SHISA9: variants seen among roughly 807,000 people sequenced by gnomAD.
SHISA9 encodes shisa family member 9, also known as protein shisa-9.
In SHISA9, 13 loss-of-function variants were observed where a neutral mutation model predicts 38.0. The ratio of observed to expected loss-of-function variants is 0.34; its 90% confidence interval spans 0.22 to 0.54. The LOEUF (loss-of-function observed/expected upper bound fraction) is 0.54, where lower values mean the gene tolerates loss of function less well. Among genes scored for constraint, SHISA9 ranks in the 20% least tolerant of loss-of-function variants. The pLI is 0.91. For synonymous variants in SHISA9, 275 were observed against 242.0 expected, an observed-to-expected ratio of 1.14 and a Z score of -1.27; for missense variants, 538 against 575.8, an observed-to-expected ratio of 0.93 and a Z score of 0.67.
At chr16:13,537,063 G>C in the SHISA9 span, among the ~76,000 whole-genome samples, 1 of 152,014 alleles carries the variant, frequency 6.6e-6, no homozygotes, top group Non-Finnish European at 1.5e-5. Context: ...CCCATAATAA[G>C]GTAATGACCT....
At chr16:13,298,399 CGAT>C in the SHISA9 span, among the ~76,000 whole-genome samples, 1 of 152,070 alleles carries the variant, frequency 6.6e-6, no homozygotes, top group Non-Finnish European at 1.5e-5. Flanking sequence ...ATAATAAACA[CGAT>C]GATGACTCAC....
At chr16:13,500,011 C>T in the SHISA9 span, among the ~76,000 whole-genome samples, 19 of 152,252 alleles carry the variant, frequency 1.2e-4, no homozygotes, top group Middle Eastern at 6.8e-3. Context: ...AATATAGCAG[C>T]GTGGTGTGAT....
chr16:12,978,276 G>C (rs2072192315), intron 2 of SHISA9, among the ~76,000 whole-genome samples: 1 of 152,168 alleles, frequency 6.6e-6, no homozygotes. Context: ...TGGAAGAAAT[G>C]AGCATGACTT....
chr16:13,135,199 C>G (rs2050338561), intron 2 of SHISA9, among the ~76,000 whole-genome samples: 1 of 152,158 alleles, frequency 6.6e-6, no homozygotes, highest in South Asian at 2.1e-4. Context: ...ATATCATGAT[C>G]AGATCTGGAT....
At chr16:13,517,136 A>G in the SHISA9 span, among the ~76,000 whole-genome samples, 1 of 152,194 alleles carries the variant, frequency 6.6e-6, no homozygotes, top group Admixed American at 6.6e-5. Context: ...GAGGACATGC[A>G]GAGACACACA....
the SHISA9 span, among the ~76,000 whole-genome samples, chr16:13,469,359 A>AAAGAAAG: frequency 7.1e-5 from 4 of 56,380 alleles, no homozygotes; most frequent in Non-Finnish European, 1.1e-4. Context: ...AGAAAGAAAG[A>AAAGAAAG]AAAGAAAAAG....
chr16:13,476,743 T>G, the SHISA9 span, among the ~76,000 whole-genome samples: 21 of 107,742 alleles, frequency 1.9e-4, no homozygotes, highest in Non-Finnish European at 3.4e-4. Context: ...TTTGTGTTTT[T>G]TTTTTTTTTT....
the SHISA9 span, among the ~76,000 whole-genome samples, chr16:13,279,113 A>T: frequency 6.6e-6 from 1 of 151,916 alleles, no homozygotes; most frequent in East Asian, 1.9e-4. Context: ...AGTTCAACAA[A>T]TTTTTTAAAT....
chr16:13,392,129 G>A, the SHISA9 span, among the ~76,000 whole-genome samples: 2 of 152,134 alleles, frequency 1.3e-5, no homozygotes, highest in African/African-American at 4.8e-5. Flanking sequence ...GGGAGTAAAG[G>A]TACCTCGAAC....
intron 2 of SHISA9, among the ~76,000 whole-genome samples, chr16:12,940,932 A>G (rs1253637291): frequency 5.9e-5 from 9 of 152,230 alleles, no homozygotes; most frequent in Non-Finnish European, 1.0e-4. Flanking sequence ...ACAAAACAAG[A>G]AGAAACAAAC....
At chr16:13,518,144 C>T in the SHISA9 span, among the ~76,000 whole-genome samples, 1 of 152,194 alleles carries the variant, frequency 6.6e-6, no homozygotes, top group Admixed American at 6.5e-5. Flanking sequence ...TCCCACTTAG[C>T]TCCTAGGCCA....
At chr16:12,928,369 A>C (rs973410874) in intron 2 of SHISA9, among the ~76,000 whole-genome samples, 21 of 151,882 alleles carry the variant, frequency 1.4e-4, no homozygotes, top group Non-Finnish European at 3.1e-4. Context: ...TTATAATCAG[A>C]CCATCCATTG....
chr16:12,902,486 C>G lies in SHISA9; in HGVS notation c.422C>G (p.Pro141Arg), dbSNP rs1278020295. 2 of 1,551,642 alleles carry G rather than the reference C, an allele frequency of 1.3e-6. No homozygotes were observed. Among genetic ancestry groups the G allele is most frequent in the African/African-American group, 2.7e-5 (2 of 73,184 alleles). Residue 141 changes from proline (P) to arginine (R), a missense_variant, in exon 1 of 5, where the codon CCC becomes CGC. By Grantham distance (103) the Pro-to-Arg change is moderately radical. Coordinates refer to ENST00000558583, the MANE Select transcript of SHISA9 (RefSeq NM_001145204.3). ...AAGCCCCCCGCCCGCAAGGACGACC[C>G]CTTGCACGACCCCACCAAGGACAAG... Reference protein sequence around the residue: ...TGKPPARKDDPLHDPTKDKTN... With the variant: ...TGKPPARKDDRLHDPTKDKTN...
intron 2 of SHISA9, among the ~76,000 whole-genome samples, chr16:13,063,579 G>A (rs555014269): frequency 2.2e-4 from 33 of 152,228 alleles, no homozygotes; most frequent in African/African-American, 7.2e-4. Context: ...CTAAGTACTG[G>A]GTCCTTCAGC....
the SHISA9 span, among the ~76,000 whole-genome samples, chr16:13,253,567 G>T: frequency 2.0e-5 from 3 of 152,182 alleles, no homozygotes; most frequent in Non-Finnish European, 4.4e-5. Flanking sequence ...AGGCAAGAGA[G>T]CTTGTGCAGG....
the SHISA9 span, among the ~76,000 whole-genome samples, chr16:13,529,233 C>G: frequency 6.6e-6 from 1 of 152,150 alleles, no homozygotes; most frequent in Non-Finnish European, 1.5e-5. Context: ...AAATCCATGC[C>G]AGGCAAAAGT....
At chr16:13,135,052 C>T (rs2050336912) in intron 2 of SHISA9, among the ~76,000 whole-genome samples, 2 of 152,288 alleles carry the variant, frequency 1.3e-5, no homozygotes, top group South Asian at 4.1e-4. Flanking sequence ...CAAAGCAAGT[C>T]ACATGACTCA....
intron 2 of SHISA9, among the ~76,000 whole-genome samples, chr16:13,002,015 A>G (rs1215308878): frequency 6.6e-6 from 1 of 152,246 alleles, no homozygotes; most frequent in Non-Finnish European, 1.5e-5. Flanking sequence ...AGAAAAAATA[A>G]ATACCTATGC....
intron 2 of SHISA9, among the ~76,000 whole-genome samples, chr16:13,112,959 C>T (rs1308782950): frequency 1.3e-5 from 2 of 151,978 alleles, no homozygotes; most frequent in Non-Finnish European, 2.9e-5. Context: ...CCTGTAATCC[C>T]AGCACTTTGG....
Sources: gnomAD v4.1 joint callset for allele counts (sites outside exome capture counted in the v4.1 genomes callset) on GRCh38, gnomAD v4.1.1 for gene constraint, MANE v1.5 for transcripts, NCBI Gene and HGNC (gene_info 2026-07-23, HGNC 2026-07-21) for gene names.